Variants in OTOF observed in about 807,000 individuals in gnomAD.
OTOF encodes the protein fer-1-like family member 2.
In OTOF, 218 loss-of-function variants were observed where a neutral mutation model predicts 236.8. The observed-to-expected ratio is 0.92, with a 90% CI of 0.82 to 1.03. The LOEUF (loss-of-function observed/expected upper bound fraction) is 1.03. OTOF is among the 50% of genes least tolerant of loss of function. OTOF has a pLI of 0.00. For missense variants in OTOF, 2,590 were observed against 2,694.4 expected (o/e 0.96, Z 0.86); for synonymous variants, 1,041 against 1,072.5 (o/e 0.97, Z 0.57).
chr2:26,471,816 A>G (rs890354030), intron 30 of OTOF, among the ~76,000 whole-genome samples: 1 of 150,318 alleles, frequency 6.7e-6, no homozygotes, highest in Non-Finnish European at 1.5e-5. Flanking sequence ...CACATACACC[A>G]CATGCACACA....
At chr2:26,523,470 G>A (rs1434226500) in intron 3 of OTOF, among the ~76,000 whole-genome samples, 2 of 152,086 alleles carry the variant, frequency 1.3e-5, no homozygotes, top group African/African-American at 2.4e-5. Flanking sequence ...ATGGGATCAG[G>A]CTCATTTCTC....
rs374459598 is a variant in OTOF, at chr2:26,495,118, C to T, written c.766-45G>A. The T allele has an allele frequency of 2.5e-6, 4 of 1,612,240 alleles. No individual in the cohort carries two copies. In the African/African-American group the frequency reaches 4.0e-5, roughly 16 times the overall value. ...GAGCCAGAAGGAAAGCTGCCTGAGC[C>T]TAGGAGCCTGGTCCCGCAGGGGTCC... On this transcript the variant is annotated intron_variant, in intron 8 of 46. Transcript: ENST00000272371.
intron 3 of OTOF, among the ~76,000 whole-genome samples, chr2:26,525,843 T>C (rs143809997): frequency 0.044 from 6,635 of 151,880 alleles, 501 homozygotes; most frequent in African/African-American, 0.15. Context: ...TCCCAGCACT[T>C]TGGGAGGCCG....
intron 1 of OTOF, among the ~76,000 whole-genome samples, chr2:26,540,148 G>T (rs1395031638): frequency 7.2e-5 from 11 of 152,186 alleles, no homozygotes; most frequent in African/African-American, 2.7e-4. Flanking sequence ...GGTCAGGCTG[G>T]TCTCGAATTC....
chr2:26,498,771 G>T (rs1275369623), intron 8 of OTOF, among the ~76,000 whole-genome samples: 1 of 152,210 alleles, frequency 6.6e-6, no homozygotes, highest in African/African-American at 2.4e-5. Context: ...ACCTGATCCA[G>T]CTTCAGGAAC....
At chr2:26,495,341 G>A (rs566112760) in intron 8 of OTOF, among the ~76,000 whole-genome samples, 5 of 152,310 alleles carry the variant, frequency 3.3e-5, no homozygotes, top group African/African-American at 1.2e-4. Context: ...TTGCTGGGCC[G>A]AAGGGAGGGA....
At chr2:26,489,118 T>C in intron 11 of OTOF, 93 bp downstream of exon 11, 1 of 925,410 alleles carries the variant, frequency 1.1e-6, no homozygotes, top group African/African-American at 1.6e-5. Context: ...TTGCCAGCCT[T>C]TTCCCAGGAA....
chr2:26,543,661 A>G (rs1667259791), intron 1 of OTOF, among the ~76,000 whole-genome samples: 1 of 152,196 alleles, frequency 6.6e-6, no homozygotes, highest in African/African-American at 2.4e-5. Context: ...TCCCTCAATA[A>G]GAAACAGCTA....
In OTOF at chr2:26,519,109, C is replaced by T. The variant is rs529236325; in HGVS notation, c.228G>A (p.Lys76=). The T allele has an allele frequency of 9.4e-6, 15 of 1,592,152 alleles. No homozygotes were observed. In the South Asian group the frequency reaches 1.6e-4, roughly 17 times the overall value. The part of the protein sequence containing the change: ...VFNYSKVFSN[K]LIGTFRMVLQ... ...GCACCATGCGGAAGGTCCCGATGAG[C>T]CTGGGGATGGCAGAGGGGGCACGGT... The change falls in exon 4 of 47, where the codon AAG becomes AAA. Residue 76 remains lysine, a splice_region_variant and synonymous_variant. Transcript: ENST00000272371.
chr2:26,516,564 A>T lies in OTOF; in HGVS notation c.363T>A (p.Thr121=). 6.2e-7 allele frequency: 1 copy of T among 1,610,310 alleles called. No homozygotes were observed. The highest frequency in any genetic ancestry group is 8.5e-7 in the Non-Finnish European group (1 of 1,179,966). Residue 121 remains threonine, a synonymous_variant, in exon 5 of 47, where the codon ACT becomes ACA. Coordinates refer to ENST00000272371, the MANE Select transcript of OTOF (RefSeq NM_194248.3). ...CGTCCCAGGAGCCCACTGTGCCGTC[A>T]GTGGCCTGATACCGGACCTCCACGC... ...SLCVEVRYQA[T]DGTVGSWDDG... is the part of the protein sequence containing the mutation.
At chr2:26,466,223 G>A in intron 36 of OTOF, 147 bp from the exon 37 acceptor site, 1 of 924,748 alleles carries the variant, frequency 1.1e-6, no homozygotes, top group East Asian at 2.6e-5. Flanking sequence ...GTGACCCTAG[G>A]CAAGTGGCTA....
At position 26,476,008 on chromosome 2, in the gene OTOF, A is replaced by C; in HGVS notation, c.2897T>G (p.Met966Arg). 6.2e-7 allele frequency: 1 copy of C among 1,612,560 alleles called. No individual in the cohort carries two copies. ...GGCAAAGAGGCTGCGGGCCTGGTAC[A>C]TGTGCGCTCGGAGCTGGAACGCCTG... ...KKQAFQLRAH[M>R]YQARSLFAAD... The change falls in exon 24 of 47, where the codon ATG becomes AGG. Residue 966 changes from methionine to arginine, a missense_variant. This residue lies in a region of OTOF where 1,379 missense variants were observed against 1,341.6 expected (regional missense o/e 1.03). Transcript: ENST00000272371.
intron 1 of OTOF, among the ~76,000 whole-genome samples, chr2:26,553,158 C>A (rs955236807): frequency 5.9e-5 from 9 of 152,160 alleles, no homozygotes; most frequent in African/African-American, 2.2e-4. Context: ...CAGCTGCAAC[C>A]CTTCCCTGCA....
At chr2:26,489,839 C>T in intron 9 of OTOF, 99 bp from the exon 10 acceptor site, 2 of 891,926 alleles carry the variant, frequency 2.2e-6, no homozygotes, top group Admixed American at 1.8e-5. Context: ...GTCTGCACCC[C>T]AGACATTTGC....
At chr2:26,510,615 C>A in intron 5 of OTOF, 1 of 840,108 alleles carries the variant, frequency 1.2e-6, no homozygotes, top group Non-Finnish European at 1.7e-6. Context: ...CCCTCTCAGC[C>A]GAGCCCATCC....
intron 11 of OTOF, among the ~76,000 whole-genome samples, chr2:26,488,963 C>G (rs1390989283): frequency 1.3e-5 from 2 of 152,260 alleles, no homozygotes; most frequent in Non-Finnish European, 2.9e-5. Context: ...CTTCCAGGCT[C>G]TGTGCAGAGT....
intron 1 of OTOF, among the ~76,000 whole-genome samples, chr2:26,553,007 G>A (rs931811602): frequency 6.6e-6 from 1 of 152,134 alleles, no homozygotes; most frequent in African/African-American, 2.4e-5. Flanking sequence ...TACCAGGGGC[G>A]GCAGATAAGT....
intron 46 of OTOF, among the ~76,000 whole-genome samples, chr2:26,459,484 G>A (rs900061881): frequency 1.5e-4 from 23 of 151,462 alleles, no homozygotes; most frequent in Admixed American, 1.2e-3. Flanking sequence ...CCCGGGAGGC[G>A]GAGCTGGCAG....
intron 13 of OTOF, among the ~76,000 whole-genome samples, chr2:26,482,868 CGTGT>C (rs1322809253): frequency 2.8e-5 from 3 of 108,824 alleles, no homozygotes; most frequent in African/African-American, 3.6e-5. Context: ...TGCATGTGTG[CGTGT>C]GTGAGTGGTT....
Sources: gnomAD v4.1 joint callset for allele counts (sites outside exome capture counted in the v4.1 genomes callset) on GRCh38, gnomAD v4.1.1 for gene constraint, gnomAD v4.1.1 regional missense constraint, MANE v1.5 for transcripts, NCBI Gene and HGNC (gene_info 2026-07-23, HGNC 2026-07-21) for gene names.